Variants in PPP1R8 observed in about 807,000 individuals in gnomAD.
The protein encoded by PPP1R8 is protein phosphatase 1 regulatory subunit 8, also known as nuclear inhibitor of protein phosphatase 1.
Under a neutral mutation model 31.3 loss-of-function variants are expected in PPP1R8, and 4 were observed. The ratio of observed to expected loss-of-function variants is 0.13; its 90% confidence interval spans 0.06 to 0.29. PPP1R8 has a LOEUF of 0.29. Ranked by LOEUF, PPP1R8 falls within the 10% of genes least tolerant of loss-of-function variation. The pLI, the probability that PPP1R8 is intolerant of heterozygous loss-of-function variation, is 1.00. For synonymous variants in PPP1R8, 170 were observed against 169.7 expected, an observed-to-expected ratio of 1.00 and a Z score of -0.01; for missense variants, 254 against 440.1, an observed-to-expected ratio of 0.58 and a Z score of 3.78.
chr1:27,835,599 T>C (rs1301836090), intron 2 of PPP1R8, among the ~76,000 whole-genome samples: 3 of 152,212 alleles, frequency 2.0e-5, no homozygotes, highest in Non-Finnish European at 2.9e-5. Context: ...ACCTTAAGGC[T>C]GAGCTTGAAA....
At chr1:27,830,958 C>CT (rs1207347697) in intron 1 of PPP1R8, 67 bp downstream of exon 1, 53 of 1,470,758 alleles carry the variant, frequency 3.6e-5, no homozygotes, top group Admixed American at 5.6e-5. Flanking sequence ...AAGGGCGGCT[C>CT]TTTTTTTACT....
intron 5 of PPP1R8, among the ~76,000 whole-genome samples, chr1:27,843,912 C>T (rs576611298): frequency 6.6e-6 from 1 of 152,220 alleles, no homozygotes; most frequent in Non-Finnish European, 1.5e-5. Flanking sequence ...GAGGTTGTGC[C>T]ACTGCACTCC....
chr1:27,850,161 T>C lies in PPP1R8; in HGVS notation c.771T>C (p.Phe257=). ...CAGGGAGCAGGCGCATGCAGAACTT[T>C]GCCTTCAGCGGAGGACTCTACGGGG... ...EESGSRRMQN[F]AFSGGLYGGL... Residue 257 remains phenylalanine (F), a synonymous_variant, in exon 7 of 7, where the codon TTT becomes TTC. Transcript: ENST00000311772. 6.2e-7 allele frequency: 1 copy of C among 1,613,378 alleles called. No individual in the cohort carries two copies. Among genetic ancestry groups the C allele is most frequent in the Non-Finnish European group, 8.5e-7 (1 of 1,179,592 alleles).
intron 3 of PPP1R8, among the ~76,000 whole-genome samples, chr1:27,839,637 A>C (rs1223669107): frequency 1.3e-5 from 2 of 152,258 alleles, no homozygotes; most frequent in African/African-American, 4.8e-5. Flanking sequence ...AGCCATGATT[A>C]GCTCCATTGA....
In PPP1R8 at chr1:27,850,148, G is replaced by A. The variant is rs200306314; in HGVS notation, c.758G>A (p.Arg253His). 13 of 1,611,522 alleles carry A rather than the reference G, an allele frequency of 8.1e-6. No individual in the cohort carries two copies. Among genetic ancestry groups the A allele is most frequent in the African/African-American group, 6.7e-5 (5 of 75,004 alleles). ...SLGLEESGSR[R>H]MQNFAFSGGL... ...GGCCTGGAGGAATCAGGGAGCAGGC[G>A]CATGCAGAACTTTGCCTTCAGCGGA... Residue 253 changes from arginine to histidine, a missense_variant, in exon 7 of 7, where the codon CGC (arginine) becomes CAC (histidine). Physicochemically the swap from Arg to His is conservative, Grantham distance 29 (BLOSUM62 0). This residue lies in a region of PPP1R8 where 105 missense variants were observed against 128.0 expected (regional missense o/e 0.82). Coordinates refer to ENST00000311772, the MANE Select transcript of PPP1R8 (RefSeq NM_014110.5).
chr1:27,834,375 TG>T (rs776214930), intron 2 of PPP1R8: 6 of 515,562 alleles, frequency 1.2e-5, no homozygotes, highest in African/African-American at 1.9e-5. Flanking sequence ...ACCTGAGATG[TG>T]CTTATTTTTA....
At chr1:27,848,938 C>G (rs1365540303) in intron 6 of PPP1R8, among the ~76,000 whole-genome samples, 1 of 152,202 alleles carries the variant, frequency 6.6e-6, no homozygotes, top group Non-Finnish European at 1.5e-5. Flanking sequence ...GTAACCACCA[C>G]CATAATCAAG....
chr1:27,832,674 T>C, intron 1 of PPP1R8, 82 bp from the exon 2 acceptor site: 1 of 1,155,298 alleles, frequency 8.7e-7, no homozygotes, highest in Non-Finnish European at 1.2e-6. Flanking sequence ...GTAGGAGAGC[T>C]GCAATGTTGA....
At chr1:27,845,783 CTTTTTTTT>C (rs773994854) in intron 5 of PPP1R8, among the ~76,000 whole-genome samples, 5 of 91,834 alleles carry the variant, frequency 5.4e-5, no homozygotes, top group African/African-American at 1.0e-4. Flanking sequence ...TTCTTTCTTT[CTTTTTTTT>C]TTTTTTTTTT....
intron 1 of PPP1R8, chr1:27,831,190 C>A: frequency 8.5e-7 from 1 of 1,174,138 alleles, no homozygotes; most frequent in Non-Finnish European, 1.1e-6. Context: ...GAACTTACGC[C>A]CAACTCTTGA....
At chr1:27,849,296 G>A (rs1240551751) in intron 6 of PPP1R8, among the ~76,000 whole-genome samples, 5 of 151,010 alleles carry the variant, frequency 3.3e-5, no homozygotes, top group Admixed American at 6.6e-5. Flanking sequence ...GCTTGAACCC[G>A]GGAGGCAGAA....
At position 27,850,480 on chromosome 1, in the gene PPP1R8, G is replaced by GT; in HGVS notation, c.*34_*35insT. The GT allele has an allele frequency of 6.9e-7, 1 of 1,446,078 alleles. No individual in the cohort carries two copies. Among genetic ancestry groups the GT allele is most frequent in the Non-Finnish European group, 9.5e-7 (1 of 1,049,492 alleles). 89.6% of individuals were successfully genotyped at this position (1,446,078 alleles called of 1,614,324 possible). A position where few individuals can be genotyped will look rare whatever the true frequency, so the allele number is the denominator to read the frequency against. On this transcript the variant is annotated 3_prime_UTR_variant, in exon 7 of 7. Transcript: ENST00000311772. ...GTCATGGAGAAGGGTGGGATTGGGT[G>GT]GGAATGGGGTGGAAGGGTGATGGGG...
At chr1:27,843,763 G>A (rs2089245296) in intron 5 of PPP1R8, among the ~76,000 whole-genome samples, 2 of 152,178 alleles carry the variant, frequency 1.3e-5, no homozygotes, top group South Asian at 4.1e-4. Flanking sequence ...GACCAGGGTG[G>A]CCAACATGGC....
At chr1:27,845,128 C>G (rs1475839266) in intron 5 of PPP1R8, among the ~76,000 whole-genome samples, 1 of 144,202 alleles carries the variant, frequency 6.9e-6, no homozygotes, top group African/African-American at 2.6e-5. Context: ...CGGTGGCTCA[C>G]CCCTATAATC....
chr1:27,831,300 C>G, intron 1 of PPP1R8: 3 of 1,000,940 alleles, frequency 3.0e-6, no homozygotes, highest in Non-Finnish European at 3.6e-6. Context: ...CCTCCAAGCC[C>G]CGCATCCCTC....
chr1:27,831,033 C>G, intron 1 of PPP1R8, 142 bp downstream of exon 1: 2 of 1,397,478 alleles, frequency 1.4e-6, no homozygotes, highest in Non-Finnish European at 1.9e-6. Flanking sequence ...TTTGCTGCAC[C>G]GGGCCGGGCG....
At chr1:27,846,042 G>A (rs2148619666) in intron 5 of PPP1R8, among the ~76,000 whole-genome samples, 1 of 151,878 alleles carries the variant, frequency 6.6e-6, no homozygotes, top group Non-Finnish European at 1.5e-5. Flanking sequence ...TGCCCACCTC[G>A]GCCTCCCAAA....
At chr1:27,832,842 T>C (rs1016733181) in intron 2 of PPP1R8, 26 bp downstream of exon 2, 30 of 1,580,834 alleles carry the variant, frequency 1.9e-5, no homozygotes, top group Non-Finnish European at 2.6e-5. Flanking sequence ...TCTTACTTTT[T>C]TGGCTGCCAC....
chr1:27,845,580 A>G (rs942919924), intron 5 of PPP1R8, among the ~76,000 whole-genome samples: 4 of 151,878 alleles, frequency 2.6e-5, no homozygotes, highest in Admixed American at 2.6e-4. Context: ...TTTCTCGTCT[A>G]TATAGAAGCC....
Sources: allele counts gnomAD v4.1 joint callset (sites outside exome capture counted in the v4.1 genomes callset), GRCh38; gene constraint gnomAD v4.1.1; regional missense constraint gnomAD v4.1.1; transcripts MANE v1.5; gene names NCBI Gene and HGNC (gene_info 2026-07-23, HGNC 2026-07-21).